Variants in SCFD2 observed in about 807,000 individuals in gnomAD.
SCFD2 encodes sec1 family domain containing 2.
In SCFD2, 54 loss-of-function variants were observed where a neutral mutation model predicts 58.9. That is an observed-to-expected ratio of 0.92 (90% CI 0.74 to 1.15). The LOEUF (loss-of-function observed/expected upper bound fraction) is 1.15, where lower values mean the gene tolerates loss of function less well. Ranked by LOEUF, SCFD2 falls within the 50% of genes most tolerant of loss-of-function variation. SCFD2 has a pLI of 0.00. For missense variants in SCFD2, 805 were observed against 836.6 expected (o/e 0.96, Z 0.47); for synonymous variants, 321 against 335.9 (o/e 0.96, Z 0.49).
chr4:52,925,526 T>C (rs1240853546), intron 5 of SCFD2, among the ~76,000 whole-genome samples: 1 of 151,898 alleles, frequency 6.6e-6, no homozygotes, highest in African/African-American at 2.4e-5. Flanking sequence ...CCTTCTTTTT[T>C]GGCCATACAA....
intron 5 of SCFD2, among the ~76,000 whole-genome samples, chr4:52,966,906 A>G (rs573334590): frequency 6.6e-6 from 1 of 152,318 alleles, no homozygotes; most frequent in South Asian, 2.1e-4. Flanking sequence ...TGGCATTAAC[A>G]ACATTCACAT....
chr4:53,070,756 G>A (rs1203784218), intron 5 of SCFD2, among the ~76,000 whole-genome samples: 1 of 151,968 alleles, frequency 6.6e-6, no homozygotes, highest in Non-Finnish European at 1.5e-5. Context: ...AGAATAAAAC[G>A]CCTGATTCCA....
intron 5 of SCFD2, among the ~76,000 whole-genome samples, chr4:53,072,046 C>A (rs964450109): frequency 6.6e-6 from 1 of 152,212 alleles, no homozygotes; most frequent in South Asian, 2.1e-4. Context: ...GTATACCCCA[C>A]GTGCTTCCAT....
chr4:53,281,391 T>C lies in SCFD2; in HGVS notation c.1136-7390A>G, dbSNP rs1205450460. Among the ~76,000 whole-genome samples the C allele has an allele frequency of 2.6e-5, 4 of 152,194 alleles. No homozygotes were observed. The East Asian group carries it at 5.8e-4, about 22-fold the overall frequency. Reference sequence around the variant, plus strand: ...CCCAAGTTTTTCAGAAATGCATATATATCATAGAAAAAATACCCATAACTG... The same window carrying C: ...CCCAAGTTTTTCAGAAATGCATATACATCATAGAAAAAATACCCATAACTG... On this transcript the variant is annotated intron_variant, in intron 3 of 8. Coordinates refer to ENST00000401642, the MANE Select transcript of SCFD2 (RefSeq NM_152540.4).
At chr4:53,248,339 A>C (rs370511452) in intron 4 of SCFD2, among the ~76,000 whole-genome samples, 15 of 152,250 alleles carry the variant, frequency 9.9e-5, no homozygotes, top group African/African-American at 3.4e-4. Flanking sequence ...GGCAGCGAGG[A>C]TGGGGGAGGG....
chr4:52,976,274 G>C (rs1721259044), intron 5 of SCFD2, among the ~76,000 whole-genome samples: 2 of 152,124 alleles, frequency 1.3e-5, no homozygotes. Flanking sequence ...GCTGCTGAAG[G>C]CTGCTATTGT....
intron 5 of SCFD2, among the ~76,000 whole-genome samples, chr4:53,122,554 G>T (rs1164272865): frequency 6.6e-6 from 1 of 152,172 alleles, no homozygotes; most frequent in Non-Finnish European, 1.5e-5. Flanking sequence ...AGAATAAATA[G>T]GTGGGGAGGG....
At chr4:53,011,859 C>T (rs535776412) in intron 5 of SCFD2, among the ~76,000 whole-genome samples, 1 of 152,228 alleles carries the variant, frequency 6.6e-6, no homozygotes, top group East Asian at 1.9e-4. Flanking sequence ...TTCTTCCTCT[C>T]TAGAGGATAA....
chr4:52,974,443 C>T (rs1721196568), intron 5 of SCFD2, among the ~76,000 whole-genome samples: 1 of 152,084 alleles, frequency 6.6e-6, no homozygotes, highest in East Asian at 1.9e-4. Context: ...GAATAAAATA[C>T]CTAGAATCCA....
intron 4 of SCFD2, among the ~76,000 whole-genome samples, chr4:53,240,434 T>C (rs1729858651): frequency 6.6e-6 from 1 of 152,236 alleles, no homozygotes; most frequent in African/African-American, 2.4e-5. Context: ...CTGCCCCTTT[T>C]GTTTACAGAA....
intron 7 of SCFD2, among the ~76,000 whole-genome samples, chr4:52,892,693 C>T (rs1418468308): frequency 1.3e-5 from 2 of 152,222 alleles, no homozygotes; most frequent in South Asian, 2.1e-4. Context: ...ACATCCCATC[C>T]ACCACACCAC....
At chr4:53,204,975 T>C (rs1728363144) in intron 4 of SCFD2, among the ~76,000 whole-genome samples, 2 of 151,936 alleles carry the variant, frequency 1.3e-5, no homozygotes, top group South Asian at 4.2e-4. Context: ...AATAGGAAGA[T>C]AACATACAGG....
chr4:53,037,476 GAAGACATGCATGTATTTTCCC>G (rs894956501), intron 5 of SCFD2, among the ~76,000 whole-genome samples: 29 of 152,078 alleles, frequency 1.9e-4, no homozygotes, highest in South Asian at 1.2e-3. Context: ...GTCTCAAGCT[GAAGACATGCATGTATTTTCCC>G]AATAAAGCAC....
chr4:52,926,064 C>A (rs1405543160), intron 5 of SCFD2, among the ~76,000 whole-genome samples: 1 of 152,046 alleles, frequency 6.6e-6, no homozygotes. Flanking sequence ...CCGCAGGGAG[C>A]ACAGTGTGGG....
At chr4:53,178,178 CCT>C (rs1577807238) in intron 4 of SCFD2, among the ~76,000 whole-genome samples, 1 of 151,226 alleles carries the variant, frequency 6.6e-6, no homozygotes, top group East Asian at 1.9e-4. Context: ...TCCCGTCATG[CCT>C]GAGAACAGGC....
chr4:53,251,098 C>G (rs569005664), intron 4 of SCFD2, among the ~76,000 whole-genome samples: 101 of 152,264 alleles, frequency 6.6e-4, no homozygotes, highest in South Asian at 1.5e-3. Flanking sequence ...GATAATACTA[C>G]AAACACCTCT....
intron 1 of SCFD2, among the ~76,000 whole-genome samples, chr4:53,357,053 CT>C (rs1461227566): frequency 6.6e-6 from 1 of 152,042 alleles, no homozygotes; most frequent in African/African-American, 2.4e-5. Flanking sequence ...AACTTCCTAA[CT>C]GGAAGGATTT....
At chr4:53,018,000 C>A (rs1722254957) in intron 5 of SCFD2, among the ~76,000 whole-genome samples, 1 of 152,216 alleles carries the variant, frequency 6.6e-6, no homozygotes, top group Non-Finnish European at 1.5e-5. Flanking sequence ...CACTCTGTAT[C>A]CATCCTGCTC....
At chr4:53,040,116 A>G (rs1456859114) in intron 5 of SCFD2, among the ~76,000 whole-genome samples, 1 of 152,150 alleles carries the variant, frequency 6.6e-6, no homozygotes, top group East Asian at 1.9e-4. Context: ...GCAGTGGGTG[A>G]GTATGTTCTG....
Sources: gnomAD v4.1 joint callset for allele counts (sites outside exome capture counted in the v4.1 genomes callset) on GRCh38, gnomAD v4.1.1 for gene constraint, MANE v1.5 for transcripts, NCBI Gene and HGNC (gene_info 2026-07-23, HGNC 2026-07-21) for gene names.